Variants in TNRC6B observed in about 807,000 individuals in gnomAD.
TNRC6B encodes the protein trinucleotide repeat-containing gene 6B protein.
Under a neutral mutation model 203.6 loss-of-function variants are expected in TNRC6B, and 52 were observed. The observed-to-expected ratio is 0.26, with a 90% CI of 0.20 to 0.32. The LOEUF is 0.32. TNRC6B is among the 10% of genes least tolerant of loss of function. TNRC6B has a pLI of 1.00. For missense variants in TNRC6B, 1,923 were observed against 2,286.2 expected (o/e 0.84, Z 3.24); for synonymous variants, 838 against 845.7 (o/e 0.99, Z 0.16).
At chr22:40,274,422 C>CTTTTTTTTTTTTTTTTTTTTTTT (rs374621260) in intron 7 of TNRC6B, among the ~76,000 whole-genome samples, 4 of 140,688 alleles carry the variant, frequency 2.8e-5, no homozygotes, top group African/African-American at 1.0e-4. Flanking sequence ...AATGATATCT[C>CTTTTTTTTTTTTTTTTTTTTTTT]TTTTTTTTTT....
chr22:40,233,969 C>T (rs552948099), intron 1 of TNRC6B, among the ~76,000 whole-genome samples: 151 of 152,290 alleles, frequency 9.9e-4, no homozygotes, highest in African/African-American at 3.2e-3. Flanking sequence ...ACAAAGGCTA[C>T]GCTACACGAG....
chr22:40,320,958 T>C, intron 21 of TNRC6B, 132 bp from the exon 22 acceptor site: 1 of 1,002,070 alleles, frequency 1.0e-6, no homozygotes, highest in South Asian at 1.5e-5. Flanking sequence ...TATGCTTTTG[T>C]TTTGAGCTGC....
chr22:40,308,027 T>G lies in TNRC6B; in HGVS notation c.4121-485T>G, dbSNP rs776674820. Among the ~76,000 whole-genome samples, 152 of 152,146 alleles carry G rather than the reference T, an allele frequency of 1.0e-3. 2 individuals are homozygous for G. The highest frequency in any genetic ancestry group is 3.2e-4 in the Non-Finnish European group (22 of 68,040). On this transcript the variant is annotated intron_variant, in intron 15 of 22. Coordinates refer to ENST00000454349, the MANE Select transcript of TNRC6B (RefSeq NM_001162501.2). ...TGTCTCACCATTCCCTAAACACACT[T>G]GATTATCAAGAGTCAGAGCTCTGTA...
At chr22:40,250,673 G>T (rs556983648) in intron 2 of TNRC6B, among the ~76,000 whole-genome samples, 1 of 152,238 alleles carries the variant, frequency 6.6e-6, no homozygotes, top group Admixed American at 6.5e-5. Context: ...AAAACTGGGG[G>T]TCTCATAGCC....
intron 4 of TNRC6B, among the ~76,000 whole-genome samples, chr22:40,164,760 CA>C (rs550507661): frequency 0.28 from 25,473 of 90,190 alleles, 2,968 homozygotes; most frequent in African/African-American, 0.41. Context: ...AATTCTGTCT[CA>C]AAAAAAAAAA....
chr22:40,149,173 A>C (rs2068722780), intron 3 of TNRC6B, among the ~76,000 whole-genome samples: 1 of 152,244 alleles, frequency 6.6e-6, no homozygotes, highest in Non-Finnish European at 1.5e-5. Flanking sequence ...AATACTACTC[A>C]GCTGTGAAAG....
intron 5 of TNRC6B, among the ~76,000 whole-genome samples, chr22:40,269,353 T>C (rs2146506023): frequency 6.6e-6 from 1 of 152,008 alleles, no homozygotes; most frequent in South Asian, 2.1e-4. Context: ...TGGCTAGTCT[T>C]GAACTCCTGA....
chr22:40,257,533 A>G (rs1025214139), intron 3 of TNRC6B, among the ~76,000 whole-genome samples: 7 of 151,958 alleles, frequency 4.6e-5, no homozygotes, highest in African/African-American at 1.5e-4. Context: ...CCTGGCCAAC[A>G]TGGTGAAACC....
chr22:40,073,141 GTTTTTTTTTTT>G (rs554246963), intron 1 of TNRC6B, among the ~76,000 whole-genome samples: 1 of 108,732 alleles, frequency 9.2e-6, no homozygotes, highest in Admixed American at 9.3e-5. Flanking sequence ...TAGGGCCTTG[GTTTTTTTTTTT>G]TTTTTTTTTT....
Position 40,279,998 on chromosome 22 carries a change from G to A in TNRC6B, c.3266G>A (p.Ser1089Asn). 1 of 1,613,810 alleles carries A rather than the reference G, an allele frequency of 6.2e-7. No homozygotes were observed. The highest frequency in any genetic ancestry group is 8.5e-7 in the Non-Finnish European group (1 of 1,179,784). ...PSSKMDLSVG[S>N]LSDKKFDVDK... The stretch of plus-strand genomic sequence containing the variant: ...CTCTGTGTATGCTACTTTTCAGGAA[G>A]CCTTTCAGATAAAAAATTTGATGTG... Residue 1089 changes from serine (S) to asparagine (N), a missense_variant, in exon 10 of 23, where the codon AGC becomes AAC. This residue lies in a region of TNRC6B where 599 missense variants were observed against 656.5 expected (regional missense o/e 0.91). Transcript: ENST00000454349.
chr22:40,127,621 CAG>C (rs1428162352), intron 3 of TNRC6B, among the ~76,000 whole-genome samples: 1 of 152,142 alleles, frequency 6.6e-6, no homozygotes, highest in Non-Finnish European at 1.5e-5. Context: ...CCTGCAATCC[CAG>C]CACTTTGGGA....
intron 4 of TNRC6B, among the ~76,000 whole-genome samples, chr22:40,162,905 G>C (rs1280662199): frequency 2.6e-5 from 4 of 152,140 alleles, no homozygotes; most frequent in African/African-American, 9.7e-5. Flanking sequence ...AATTTTTGCT[G>C]CTGGGAGTTT....
chr22:40,243,588 T>C (rs1394970300), intron 1 of TNRC6B, among the ~76,000 whole-genome samples: 1 of 152,176 alleles, frequency 6.6e-6, no homozygotes, highest in Non-Finnish European at 1.5e-5. Context: ...ATTTTATTAA[T>C]TTATTATTCA....
At chr22:40,143,691 T>G (rs1052144988) in intron 3 of TNRC6B, among the ~76,000 whole-genome samples, 5 of 152,004 alleles carry the variant, frequency 3.3e-5, no homozygotes, top group Non-Finnish European at 5.9e-5. Flanking sequence ...AGAGACAGGG[T>G]TTCACCGTGT....
chr22:40,106,898 T>C, intron 1 of TNRC6B: 4 of 969,652 alleles, frequency 4.1e-6, no homozygotes, highest in Non-Finnish European at 6.6e-6. Flanking sequence ...CTTGTGACAG[T>C]GCTTCGCTTT....
intron 1 of TNRC6B, among the ~76,000 whole-genome samples, chr22:40,053,169 A>G (rs2067765293): frequency 1.3e-5 from 2 of 152,060 alleles, no homozygotes; most frequent in South Asian, 4.1e-4. Flanking sequence ...TTAAAAAAAA[A>G]AAAAAAAAAC....
At chr22:40,097,764 G>GT (rs1164222602) in intron 1 of TNRC6B, among the ~76,000 whole-genome samples, 1 of 150,486 alleles carries the variant, frequency 6.6e-6, no homozygotes, top group Admixed American at 6.6e-5. Context: ...AATGTATAAT[G>GT]TAATATATAT....
intron 1 of TNRC6B, among the ~76,000 whole-genome samples, chr22:40,070,070 A>G (rs576422807): frequency 2.6e-5 from 4 of 152,230 alleles, no homozygotes; most frequent in African/African-American, 9.6e-5. Context: ...AATACCCTTC[A>G]TTGTAATTAA....
At chr22:40,087,091 C>A (rs1049653018) in intron 1 of TNRC6B, among the ~76,000 whole-genome samples, 5 of 152,112 alleles carry the variant, frequency 3.3e-5, no homozygotes, top group African/African-American at 1.2e-4. Context: ...TCAGCTTATA[C>A]TGCATCAGTA....
Sources: gnomAD v4.1 joint callset for allele counts (sites outside exome capture counted in the v4.1 genomes callset) on GRCh38, gnomAD v4.1.1 for gene constraint, gnomAD v4.1.1 regional missense constraint, MANE v1.5 for transcripts, NCBI Gene and HGNC (gene_info 2026-07-23, HGNC 2026-07-21) for gene names.